PIK3C2G: variants seen among roughly 807,000 people sequenced by gnomAD.
The protein encoded by PIK3C2G is phosphatidylinositol-4-phosphate 3-kinase catalytic subunit type 2 gamma, also known as phosphatidylinositol 3-kinase C2 domain-containing subunit gamma.
Under a neutral mutation model 181.1 loss-of-function variants are expected in PIK3C2G, and 168 were observed. That is an observed-to-expected ratio of 0.93 (90% CI 0.82 to 1.05). PIK3C2G has a LOEUF of 1.05. Ranked by LOEUF, PIK3C2G falls within the 50% of genes least tolerant of loss-of-function variation. PIK3C2G has a pLI of 0.00. For missense variants in PIK3C2G, 1,869 were observed against 1,732.8 expected (o/e 1.08, Z -1.40); for synonymous variants, 573 against 592.2 (o/e 0.97, Z 0.47).
At chr12:18,589,861 T>C (rs1398572185) in intron 29 of PIK3C2G, among the ~76,000 whole-genome samples, 1 of 151,968 alleles carries the variant, frequency 6.6e-6, no homozygotes, top group Non-Finnish European at 1.5e-5. Flanking sequence ...CTTCTTTACA[T>C]TGATAAATAG....
intron 1 of PIK3C2G, among the ~76,000 whole-genome samples, chr12:18,269,202 G>A (rs921718109): frequency 6.6e-6 from 1 of 152,086 alleles, no homozygotes; most frequent in African/African-American, 2.4e-5. Flanking sequence ...ATAAGCCACT[G>A]TGCCAGCTGA....
intron 5 of PIK3C2G, among the ~76,000 whole-genome samples, chr12:18,313,243 G>C (rs1428049750): frequency 6.6e-6 from 1 of 152,078 alleles, no homozygotes; most frequent in Non-Finnish European, 1.5e-5. Context: ...GTGCTCTTCA[G>C]TTAATTTGTG....
chr12:18,683,930 G>A, the PIK3C2G span, among the ~76,000 whole-genome samples: 1 of 151,822 alleles, frequency 6.6e-6, no homozygotes, highest in Non-Finnish European at 1.5e-5. Context: ...TAGCCTTCCT[G>A]TCAGTCCCAC....
At chr12:18,602,340 G>A (rs1199495199) in intron 30 of PIK3C2G, among the ~76,000 whole-genome samples, 2 of 151,772 alleles carry the variant, frequency 1.3e-5, no homozygotes, top group Non-Finnish European at 2.9e-5. Flanking sequence ...AGTGACCCGG[G>A]ACCTCACGCC....
the PIK3C2G span, chr12:18,687,984 G>A: frequency 6.8e-6 from 10 of 1,465,754 alleles, no homozygotes; most frequent in Non-Finnish European, 9.3e-6. Context: ...GAAAACCCTT[G>A]TCTTATGAAT....
rs1944973892 is a variant in PIK3C2G at position 18,413,199 on chromosome 12, T to C, written c.2316-7742T>C. The stretch of plus-strand genomic sequence containing the variant: ...TTAATGTACAGAGTTATATTTATCT[T>C]AGCGATGAGATCTTGTCCTTTAACA... On this transcript the variant is annotated intron_variant, in intron 16 of 32. Transcript: ENST00000538779. 2.6e-5 allele frequency among the ~76,000 whole-genome samples: 4 copies of C among 152,264 alleles called. No homozygotes were observed. In the South Asian group the frequency reaches 8.3e-4, roughly 32 times the overall value.
intron 10 of PIK3C2G, among the ~76,000 whole-genome samples, chr12:18,345,766 C>T (rs1056039414): frequency 2.0e-5 from 3 of 151,924 alleles, no homozygotes; most frequent in Admixed American, 6.6e-5. Context: ...CTGTGGAAAG[C>T]GAAAGTACTG....
chr12:18,650,712 CTATATATATATATATATATATATATA>C (rs1157799425), downstream of PIK3C2G, among the ~76,000 whole-genome samples: 254 of 14,604 alleles, frequency 0.017, 5 homozygotes, highest in South Asian at 0.042. Flanking sequence ...GTGTATATAT[CTATATATATATATATATATATATATA>C]TATATATATA....
intron 31 of PIK3C2G, among the ~76,000 whole-genome samples, chr12:18,620,589 C>T (rs1356084516): frequency 6.6e-6 from 1 of 151,382 alleles, no homozygotes; most frequent in Non-Finnish European, 1.5e-5. Context: ...CTGTAGGGTG[C>T]AGCTAGTAAT....
rs551618748 is a variant in PIK3C2G, at chr12:18,255,577, G to A, written c.-79+7495G>A. Reference sequence around the variant, plus strand: ...CTGGTTGATGGTGTGTGTGTTGAGGGCGAGGGAGCAGACAGGAGAGCGCAC... The same window carrying A: ...CTGGTTGATGGTGTGTGTGTTGAGGACGAGGGAGCAGACAGGAGAGCGCAC... On this transcript the variant is annotated intron_variant, in intron 1 of 11. Transcript: ENST00000535651. Among the ~76,000 whole-genome samples the A allele has an allele frequency of 3.3e-5, 5 of 152,230 alleles. No individual in the cohort carries two copies. In the South Asian group the frequency reaches 8.3e-4, roughly 25 times the overall value.
chr12:18,599,851 A>C (rs1471026428), intron 30 of PIK3C2G, among the ~76,000 whole-genome samples: 1 of 151,926 alleles, frequency 6.6e-6, no homozygotes, highest in African/African-American at 2.4e-5. Flanking sequence ...GCATTGAATT[A>C]AATAAGAGAA....
chr12:18,396,878 C>A (rs1454416938), intron 15 of PIK3C2G, among the ~76,000 whole-genome samples: 1 of 151,618 alleles, frequency 6.6e-6, no homozygotes, highest in Admixed American at 6.6e-5. Flanking sequence ...AAAATATAAT[C>A]CCAATGAAAA....
At chr12:18,640,090 G>C (rs1949776787) in intron 31 of PIK3C2G, among the ~76,000 whole-genome samples, 1 of 151,118 alleles carries the variant, frequency 6.6e-6, no homozygotes, top group South Asian at 2.1e-4. Flanking sequence ...TCATATTTTT[G>C]TCTCTGCTTG....
intron 24 of PIK3C2G, among the ~76,000 whole-genome samples, chr12:18,531,656 T>A (rs1217561942): frequency 6.6e-6 from 1 of 152,220 alleles, no homozygotes; most frequent in African/African-American, 2.4e-5. Flanking sequence ...ATTGATTGGC[T>A]CTTTTCACAC....
rs189007728 is a variant in PIK3C2G, at chr12:18,309,989, T to C, written c.1035-3973T>C. Among the ~76,000 whole-genome samples, 366 of 151,942 alleles carry C rather than the reference T, an allele frequency of 2.4e-3. 3 individuals carry two copies. The highest frequency in any genetic ancestry group is 0.02 in the East Asian group (101 of 5,176). On this transcript the variant is annotated intron_variant, in intron 5 of 32. Coordinates refer to ENST00000538779, the MANE Select transcript of PIK3C2G (RefSeq NM_001288772.2). ...TTTATTTAGGTAAGTAAATGAAGTA[T>C]TTACAGAGTGATGAAGTATGAGTGA...
chr12:18,644,551 C>T (rs187625680), intron 32 of PIK3C2G, among the ~76,000 whole-genome samples: 14 of 152,244 alleles, frequency 9.2e-5, no homozygotes, highest in African/African-American at 3.1e-4. Flanking sequence ...TTAAAATCTC[C>T]TGCAGAATAT....
the PIK3C2G span, among the ~76,000 whole-genome samples, chr12:18,711,881 G>A: frequency 2.0e-5 from 3 of 151,944 alleles, no homozygotes; most frequent in Non-Finnish European, 2.9e-5. Flanking sequence ...GAGAATCAGT[G>A]CCATACTCTC....
chr12:18,502,423 C>T (rs1488208371), intron 22 of PIK3C2G, among the ~76,000 whole-genome samples: 1 of 152,124 alleles, frequency 6.6e-6, no homozygotes, highest in Non-Finnish European at 1.5e-5. Flanking sequence ...GTTTGCAACT[C>T]CTGCAATTGT....
In PIK3C2G at chr12:18,400,398, T is replaced by C. The variant is rs539527259; in HGVS notation, c.2315+551T>C. Among the ~76,000 whole-genome samples, 222 of 152,350 alleles carry C rather than the reference T, an allele frequency of 1.5e-3. 1 individual carries two copies. The highest frequency in any genetic ancestry group is 5.2e-3 in the African/African-American group (215 of 41,582). On this transcript the variant is annotated intron_variant, in intron 16 of 32. Transcript: ENST00000538779. ...AGCTTGTAGGAACAACTGTGGTAGC[T>C]GGCTCTGGTCCAGGAGAAACAAGTC... is the stretch of plus-strand genomic sequence containing the variant.
Sources: allele counts gnomAD v4.1 joint callset (sites outside exome capture counted in the v4.1 genomes callset), GRCh38; gene constraint gnomAD v4.1.1; transcripts MANE v1.5; gene names NCBI Gene and HGNC (gene_info 2026-07-23, HGNC 2026-07-21).